NCOA1: variants seen among roughly 807,000 people sequenced by gnomAD.
NCOA1 encodes Hin-2 protein.
A neutral mutation model predicts 150.9 loss-of-function variants in NCOA1; 35 were observed. The observed-to-expected ratio is 0.23, with a 90% CI of 0.18 to 0.31. The LOEUF (loss-of-function observed/expected upper bound fraction) is 0.31. Ranked by LOEUF, NCOA1 falls within the 10% of genes least tolerant of loss-of-function variation. The pLI is 1.00. For missense variants in NCOA1, 1,491 were observed against 1,749.3 expected, an observed-to-expected ratio of 0.85 and a Z score of 2.63; for synonymous variants, 590 against 630.0, an observed-to-expected ratio of 0.94 and a Z score of 0.95.
chr2:24,746,403 T>C (rs1275523274), intron 19 of NCOA1, among the ~76,000 whole-genome samples: 1 of 151,628 alleles, frequency 6.6e-6, no homozygotes, highest in African/African-American at 2.4e-5. Flanking sequence ...ATCAGCTGGG[T>C]GTGGTGGTGG....
intron 4 of NCOA1, among the ~76,000 whole-genome samples, chr2:24,644,589 A>G (rs995665349): frequency 1.3e-5 from 2 of 152,092 alleles, no homozygotes; most frequent in African/African-American, 4.8e-5. Context: ...GGGCATTTTT[A>G]CATTGTTGCT....
At chr2:24,560,531 A>G (rs1347464982) in intron 1 of NCOA1, among the ~76,000 whole-genome samples, 1 of 152,106 alleles carries the variant, frequency 6.6e-6, no homozygotes, top group Non-Finnish European at 1.5e-5. Context: ...CAATTTAAAA[A>G]TTCTGTTTAT....
intron 19 of NCOA1, among the ~76,000 whole-genome samples, chr2:24,750,397 A>T (rs765713063): frequency 1.3e-5 from 2 of 152,232 alleles, no homozygotes; most frequent in African/African-American, 2.4e-5. Context: ...CAACATAGAG[A>T]TCACTGGAAC....
chr2:24,670,650 T>C (rs1292246144), intron 6 of NCOA1, among the ~76,000 whole-genome samples: 3 of 152,072 alleles, frequency 2.0e-5, no homozygotes, highest in Admixed American at 6.6e-5. Flanking sequence ...AAAAATAAAT[T>C]GGTAGATGCC....
intron 1 of NCOA1, among the ~76,000 whole-genome samples, chr2:24,518,352 G>T (rs980362309): frequency 6.6e-6 from 1 of 152,096 alleles, no homozygotes; most frequent in African/African-American, 2.4e-5. Flanking sequence ...GATAAATGGA[G>T]CATATTTATG....
chr2:24,608,246 C>CTATTATTATTATTATTAT (rs202179395), intron 3 of NCOA1, among the ~76,000 whole-genome samples: 3 of 131,884 alleles, frequency 2.3e-5, no homozygotes, highest in Non-Finnish European at 3.2e-5. Flanking sequence ...CCCAGTTCCC[C>CTATTATTATTATTATTAT]TATTATTATT....
chr2:24,525,626 G>A (rs796958255), intron 1 of NCOA1, among the ~76,000 whole-genome samples: 10 of 151,208 alleles, frequency 6.6e-5, no homozygotes, highest in Non-Finnish European at 1.2e-4. Flanking sequence ...GGCTCACTGC[G>A]GCCTCTGCCT....
At chr2:24,717,098 TAAAAC>T (rs1428686554) in intron 14 of NCOA1, among the ~76,000 whole-genome samples, 1 of 152,080 alleles carries the variant, frequency 6.6e-6, no homozygotes, top group Non-Finnish European at 1.5e-5. Flanking sequence ...AATTGCAAAT[TAAAAC>T]AACAATATGC....
chr2:24,728,533 A>G (rs1233123520), intron 16 of NCOA1, 57 bp downstream of exon 16: 1 of 1,470,362 alleles, frequency 6.8e-7, no homozygotes, highest in Non-Finnish European at 9.3e-7. Context: ...CTAGAAAATT[A>G]TTTTAAGCAA....
intron 11 of NCOA1, among the ~76,000 whole-genome samples, chr2:24,701,361 T>C (rs1383354520): frequency 5.3e-5 from 8 of 151,656 alleles, no homozygotes; most frequent in Non-Finnish European, 1.0e-4. Flanking sequence ...AATACAAAAA[T>C]TAGCTAGGCG....
chr2:24,664,068 C>G (rs1447675741), intron 5 of NCOA1, among the ~76,000 whole-genome samples: 1 of 152,158 alleles, frequency 6.6e-6, no homozygotes, highest in Admixed American at 6.5e-5. Context: ...AAGTAGATGT[C>G]TTCAAACACT....
chr2:24,511,773 A>T (rs964998685), intron 1 of NCOA1, among the ~76,000 whole-genome samples: 3 of 152,070 alleles, frequency 2.0e-5, no homozygotes, highest in Admixed American at 6.6e-5. Flanking sequence ...TTTTGGTGCC[A>T]TATTGAAGAA....
intron 8 of NCOA1, among the ~76,000 whole-genome samples, chr2:24,687,840 C>A (rs1040041210): frequency 2.8e-4 from 42 of 152,140 alleles, no homozygotes; most frequent in African/African-American, 8.9e-4. Flanking sequence ...CAGAGCCAAA[C>A]CATATCAACC....
At chr2:24,631,492 G>A (rs1430371430) in intron 3 of NCOA1, among the ~76,000 whole-genome samples, 1 of 152,146 alleles carries the variant, frequency 6.6e-6, no homozygotes, top group East Asian at 1.9e-4. Flanking sequence ...ATACCGGGGT[G>A]AGAGAATTTA....
chr2:24,545,413 ATAAATATCCC>A (rs1665568228), intron 1 of NCOA1, among the ~76,000 whole-genome samples: 1 of 152,134 alleles, frequency 6.6e-6, no homozygotes, highest in Non-Finnish European at 1.5e-5. Flanking sequence ...AAAGCATAAA[ATAAATATCCC>A]TAAGTCCACA....
intron 1 of NCOA1, among the ~76,000 whole-genome samples, chr2:24,540,813 G>A (rs1054803245): frequency 4.6e-5 from 7 of 152,114 alleles, no homozygotes; most frequent in African/African-American, 1.7e-4. Context: ...AACTTAGATA[G>A]CAGCATAAGG....
intron 6 of NCOA1, among the ~76,000 whole-genome samples, chr2:24,667,845 G>T (rs1671501955): frequency 6.6e-6 from 1 of 152,018 alleles, no homozygotes; most frequent in African/African-American, 2.4e-5. Context: ...CGTCTTCTGA[G>T]TAAAGTTGTT....
chr2:24,508,466 T>A (rs1028884729), intron 1 of NCOA1, among the ~76,000 whole-genome samples: 5 of 152,052 alleles, frequency 3.3e-5, no homozygotes, highest in Non-Finnish European at 7.4e-5. Context: ...GTCTAGAATA[T>A]TCCTGAATAT....
Position 24,707,375 on chromosome 2 carries a change from G to A in NCOA1, c.1905G>A (p.Gln635=). 1 of 1,614,202 alleles carries A rather than the reference G, an allele frequency of 6.2e-7. No individual in the cohort carries two copies. The highest frequency in any genetic ancestry group is 8.5e-7 in the Non-Finnish European group (1 of 1,180,048). Residue 635 remains glutamine, a synonymous_variant, in exon 13 of 23, where the codon CAG becomes CAA. Coordinates refer to ENST00000348332, the MANE Select transcript of NCOA1 (RefSeq NM_003743.5). ...CTCAAACCAGTCACAAACTAGTGCA[G>A]CTTTTGACAACAACTGCCGAACAGC... The part of the protein sequence containing the change: ...KYSQTSHKLV[Q]LLTTTAEQQL...
Sources: gnomAD v4.1 joint callset for allele counts (sites outside exome capture counted in the v4.1 genomes callset) on GRCh38, gnomAD v4.1.1 for gene constraint, MANE v1.5 for transcripts, NCBI Gene and HGNC (gene_info 2026-07-23, HGNC 2026-07-21) for gene names.